LIPC: variants seen among roughly 807,000 people sequenced by gnomAD.
The protein encoded by LIPC is hepatic triacylglycerol lipase.
Under a neutral mutation model 50.7 loss-of-function variants are expected in LIPC, and 44 were observed. The ratio of observed to expected loss-of-function variants is 0.87; its 90% CI spans 0.68 to 1.11. The LOEUF is 1.11. LIPC is among the 50% of genes most tolerant of loss of function. LIPC has a pLI of 0.00. For missense variants in LIPC, 697 were observed against 648.2 expected, an observed-to-expected ratio of 1.08 and a Z score of -0.82; for synonymous variants, 271 against 256.4, an observed-to-expected ratio of 1.06 and a Z score of -0.54.
intron 1 of LIPC, among the ~76,000 whole-genome samples, chr15:58,468,107 T>C (rs1894641624): frequency 6.6e-6 from 1 of 152,168 alleles, no homozygotes; most frequent in Admixed American, 6.5e-5. Context: ...TCCCACTCAA[T>C]GCTTGGGGAA....
intron 1 of LIPC, among the ~76,000 whole-genome samples, chr15:58,459,654 A>G (rs1373671080): frequency 1.3e-5 from 2 of 152,168 alleles, no homozygotes; most frequent in Non-Finnish European, 2.9e-5. Context: ...CTCCCCCCAC[A>G]TAGGGTGTGG....
intron 1 of LIPC, among the ~76,000 whole-genome samples, chr15:58,508,998 C>T (rs1359654570): frequency 6.6e-6 from 1 of 152,152 alleles, no homozygotes; most frequent in Admixed American, 6.5e-5. Context: ...CAAAGCAAAC[C>T]TTATACAGTA....
intron 1 of LIPC, among the ~76,000 whole-genome samples, chr15:58,438,272 A>C (rs545795975): frequency 2.0e-5 from 3 of 152,238 alleles, no homozygotes; most frequent in African/African-American, 4.8e-5. Context: ...AGGGCAGAAC[A>C]GTCCCCATTT....
At position 58,568,908 on chromosome 15, in the gene LIPC, T is replaced by C. The variant is rs1443702217; in HGVS notation, c.*81T>C. 16 of 746,392 alleles carry C rather than the reference T, an allele frequency of 2.1e-5. No individual in the cohort carries two copies. The South Asian group carries it at 2.8e-4, about 13-fold the overall frequency. The allele number at this position is 746,392 out of a possible 1,614,324, so 46.2% of individuals were successfully genotyped here. On this transcript the variant is annotated 3_prime_UTR_variant, in exon 9 of 9. Coordinates refer to ENST00000299022, the MANE Select transcript of LIPC (RefSeq NM_000236.3). ...GGCTGCCTTATTTAGAAGCCAAAAT[T>C]ACATAAAGAATCTCACACAAAGCTT... is the stretch of plus-strand genomic sequence containing the variant.
chr15:58,556,898 G>T (rs1893972487), intron 6 of LIPC, among the ~76,000 whole-genome samples: 1 of 152,214 alleles, frequency 6.6e-6, no homozygotes, highest in African/African-American at 2.4e-5. Flanking sequence ...GTTGTAAAGA[G>T]AAATGAGATA....
chr15:58,458,832 G>A (rs766521900), intron 1 of LIPC, among the ~76,000 whole-genome samples: 9 of 152,152 alleles, frequency 5.9e-5, no homozygotes, highest in Non-Finnish European at 1.2e-4. Context: ...ACAGGAAAAA[G>A]GTTTTACAGA....
At chr15:58,503,872 G>A (rs1892064733) in intron 1 of LIPC, among the ~76,000 whole-genome samples, 1 of 151,216 alleles carries the variant, frequency 6.6e-6, no homozygotes, top group South Asian at 2.1e-4. Context: ...CCACACCAGG[G>A]TGGACTTTTT....
At chr15:58,507,087 C>T (rs1056956773) in intron 1 of LIPC, among the ~76,000 whole-genome samples, 2 of 152,152 alleles carry the variant, frequency 1.3e-5, no homozygotes, top group African/African-American at 4.8e-5. Flanking sequence ...TGATCTTCAC[C>T]TGGTCCCTCC....
At chr15:58,493,774 T>C (rs944694337) in intron 1 of LIPC, among the ~76,000 whole-genome samples, 1 of 149,318 alleles carries the variant, frequency 6.7e-6, no homozygotes, top group African/African-American at 2.4e-5. Flanking sequence ...TATATTTGAA[T>C]ATATAAGTTT....
intron 1 of LIPC, among the ~76,000 whole-genome samples, chr15:58,508,842 T>C (rs1892245535): frequency 6.6e-6 from 1 of 152,118 alleles, no homozygotes; most frequent in South Asian, 2.1e-4. Flanking sequence ...CAACCCTTCA[T>C]TCCTGCTACT....
intron 1 of LIPC, among the ~76,000 whole-genome samples, chr15:58,510,443 G>A (rs1277530385): frequency 6.6e-6 from 1 of 152,218 alleles, no homozygotes; most frequent in African/African-American, 2.4e-5. Context: ...AGAGACAGAG[G>A]TGAGGCATAA....
Position 58,569,451 on chromosome 15 carries a change from TTAAA to T in LIPC, c.*629_*632del, listed in dbSNP as rs1894484063. ...GTCATTTTAATAATGGAATTACAAA[TTAAA>T]TAAACATAATTATTATATCTTACTA... On this transcript the variant is annotated 3_prime_UTR_variant, in exon 9 of 9. Transcript: ENST00000299022. 6.6e-6 allele frequency: 1 copy of T among 152,196 alleles called. No individual in the cohort carries two copies. Among genetic ancestry groups the T allele is most frequent in the African/African-American group, 2.4e-5 (1 of 41,456 alleles). 9.4% of individuals were successfully genotyped at this position (152,196 alleles called of 1,614,324 possible).
chr15:58,525,469 T>C (rs1478787715), intron 1 of LIPC, among the ~76,000 whole-genome samples: 1 of 152,226 alleles, frequency 6.6e-6, no homozygotes, highest in African/African-American at 2.4e-5. Flanking sequence ...CTCACTGTCA[T>C]GTTTTATTCT....
intron 1 of LIPC, among the ~76,000 whole-genome samples, chr15:58,489,900 A>C (rs1483993021): frequency 1.3e-5 from 2 of 152,186 alleles, no homozygotes; most frequent in Non-Finnish European, 2.9e-5. Flanking sequence ...GGAATGACCA[A>C]GGACAGCTTG....
intron 1 of LIPC, among the ~76,000 whole-genome samples, chr15:58,472,825 T>G (rs60610792): frequency 0.31 from 46,978 of 152,020 alleles, 7,426 homozygotes; most frequent in South Asian, 0.39. Flanking sequence ...GGTTTGCTAG[T>G]ATTGCCCCCA....
At chr15:58,548,608 G>A (rs923004164) in intron 6 of LIPC, 36 bp downstream of exon 6, 5 of 1,574,172 alleles carry the variant, frequency 3.2e-6, no homozygotes, top group Non-Finnish European at 4.3e-6. Context: ...AGAAGGGCAG[G>A]ATGCAGTCCC....
chr15:58,456,099 T>C (rs1032857151), intron 1 of LIPC: 1 of 151,872 alleles, frequency 6.6e-6, no homozygotes, highest in African/African-American at 2.4e-5. Flanking sequence ...AAATGAAGAA[T>C]GGCTGTACTT....
chr15:58,477,591 C>T (rs576077573), intron 1 of LIPC, among the ~76,000 whole-genome samples: 28 of 152,220 alleles, frequency 1.8e-4, no homozygotes, highest in Middle Eastern at 3.4e-3. Flanking sequence ...ATAATTGGAG[C>T]GCTTCTCCCT....
intron 1 of LIPC, among the ~76,000 whole-genome samples, chr15:58,462,205 T>C (rs1396091280): frequency 2.0e-5 from 3 of 152,208 alleles, no homozygotes; most frequent in African/African-American, 7.2e-5. Context: ...GGATCGTGAG[T>C]GCTTTGAAGG....
Sources: allele counts gnomAD v4.1 joint callset (sites outside exome capture counted in the v4.1 genomes callset), GRCh38; gene constraint gnomAD v4.1.1; transcripts MANE v1.5; gene names NCBI Gene and HGNC (gene_info 2026-07-23, HGNC 2026-07-21).